The following FEZ1 variants were observed in gnomAD, a reference collection of about 807,000 sequenced individuals.
The protein encoded by FEZ1 is fasciculation and elongation protein zeta 1.
FEZ1 carries 20 observed loss-of-function variants against 49.3 expected under a neutral mutation model. The ratio of observed to expected loss-of-function variants is 0.41; its 90% CI spans 0.29 to 0.59. The LOEUF is 0.59. FEZ1 is among the 20% of genes least tolerant of loss of function. The pLI is 0.36. For missense variants in FEZ1, 413 were observed against 476.0 expected (o/e 0.87, Z 1.23); for synonymous variants, 170 against 180.9 (o/e 0.94, Z 0.48).
At chr11:125,482,417 G>A (rs1026843120) in intron 2 of FEZ1, among the ~76,000 whole-genome samples, 1 of 152,136 alleles carries the variant, frequency 6.6e-6, no homozygotes, top group Admixed American at 6.5e-5. Context: ...GGGGAAAGAT[G>A]GAGCTACATT....
chr11:125,452,397 C>T lies in FEZ1; in HGVS notation c.1033G>A (p.Val345Ile). 6.2e-7 allele frequency: 1 copy of T among 1,612,130 alleles called. No homozygotes were observed. The highest frequency in any genetic ancestry group is 8.5e-7 in the Non-Finnish European group (1 of 1,178,158). ...SGTDKQYLNT[V>I]IPYEKKASPP... The stretch of plus-strand genomic sequence containing the variant: ...GAGGCTTTCTTCTCGTAAGGAATGA[C>T]TGTGTTCAGATACTGCAAGACAAAC... The change falls in exon 8 of 10, where the codon GTC becomes ATC. Residue 345 changes from valine to isoleucine, a missense_variant. By Grantham distance (29) the Val-to-Ile change is conservative (BLOSUM62 3). Transcript: ENST00000278919.
In FEZ1 at chr11:125,447,349, A is replaced by C. The variant is rs377016701; in HGVS notation, c.1162+1153T>G. ...ACAAACAACCTAGTTTCTCCAACAA[A>C]TGCATTTCAAGAAATGGAAGAGAGA... On this transcript the variant is annotated intron_variant, in intron 9 of 9. Coordinates refer to ENST00000278919, the MANE Select transcript of FEZ1 (RefSeq NM_005103.5). 2.6e-5 allele frequency among the ~76,000 whole-genome samples: 4 copies of C among 152,364 alleles called. No individual in the cohort carries two copies. In the East Asian group the frequency reaches 5.8e-4, roughly 22 times the overall value.
chr11:125,460,738 A>G lies in FEZ1; in HGVS notation c.499-72T>C, dbSNP rs1176014342. 2.9e-6 allele frequency: 4 copies of G among 1,358,680 alleles called. No homozygotes were observed. In the African/African-American group the frequency reaches 4.3e-5, roughly 15 times the overall value. 84.2% of individuals were successfully genotyped at this position (1,358,680 alleles called of 1,614,324 possible). A position where few individuals can be genotyped will look rare whatever the true frequency, so the allele number is the denominator to read the frequency against. On this transcript the variant is annotated intron_variant, in intron 4 of 9. Coordinates refer to ENST00000278919, the MANE Select transcript of FEZ1 (RefSeq NM_005103.5). ...GGGCATTCTGGCTTGAATTTTGATC[A>G]GTTAAGGATGTTCCTAATTAGCTAT...
intron 3 of FEZ1, among the ~76,000 whole-genome samples, chr11:125,465,045 T>C (rs551704395): frequency 1.0e-3 from 152 of 152,346 alleles, no homozygotes; most frequent in African/African-American, 3.4e-3. Flanking sequence ...AGAACGAAGA[T>C]ACATTTTTTC....
At chr11:125,447,187 AT>A (rs1228846901) in intron 9 of FEZ1, among the ~76,000 whole-genome samples, 1 of 152,256 alleles carries the variant, frequency 6.6e-6, no homozygotes, top group East Asian at 1.9e-4. Flanking sequence ...TGTAGTGCTT[AT>A]CAAAAAATCG....
chr11:125,470,004 C>G (rs960886930), intron 3 of FEZ1, among the ~76,000 whole-genome samples: 2 of 152,088 alleles, frequency 1.3e-5, no homozygotes, highest in Non-Finnish European at 1.5e-5. Flanking sequence ...AGTAAACCAC[C>G]ATGCCTGGCC....
At chr11:125,485,693 T>A (rs541346623) in intron 2 of FEZ1, among the ~76,000 whole-genome samples, 9 of 151,266 alleles carry the variant, frequency 5.9e-5, no homozygotes, top group Non-Finnish European at 1.2e-4. Flanking sequence ...CCTAGCACTT[T>A]GGGAGGCTGA....
chr11:125,465,136 G>C (rs1957115225), intron 3 of FEZ1, among the ~76,000 whole-genome samples: 1 of 152,178 alleles, frequency 6.6e-6, no homozygotes, highest in Non-Finnish European at 1.5e-5. Flanking sequence ...CCCAAGTTAG[G>C]CTCATCCTGG....
At chr11:125,470,276 T>A (rs1283093399) in intron 3 of FEZ1, among the ~76,000 whole-genome samples, 1 of 152,170 alleles carries the variant, frequency 6.6e-6, no homozygotes, top group African/African-American at 2.4e-5. Flanking sequence ...AAAAAAATTT[T>A]AAAAACACAC....
intron 3 of FEZ1, among the ~76,000 whole-genome samples, chr11:125,471,041 T>C (rs1288896241): frequency 6.6e-6 from 1 of 152,138 alleles, no homozygotes; most frequent in Non-Finnish European, 1.5e-5. Context: ...TATGATTAAT[T>C]AATAATGTAT....
At chr11:125,454,781 C>G (rs1288049138) in intron 6 of FEZ1, among the ~76,000 whole-genome samples, 5 of 151,798 alleles carry the variant, frequency 3.3e-5, no homozygotes, top group African/African-American at 1.2e-4. Flanking sequence ...TTTGGGAGGC[C>G]GAGGCGGGGA....
chr11:125,487,899 A>G (rs530830317), intron 2 of FEZ1, among the ~76,000 whole-genome samples: 2 of 152,326 alleles, frequency 1.3e-5, no homozygotes, highest in Non-Finnish European at 1.5e-5. Flanking sequence ...TCAAATAAGC[A>G]ACCCTCTCCC....
At chr11:125,483,602 A>G (rs570761069) in intron 2 of FEZ1, among the ~76,000 whole-genome samples, 2 of 152,330 alleles carry the variant, frequency 1.3e-5, no homozygotes, top group Non-Finnish European at 2.9e-5. Flanking sequence ...ACTCCAAGGC[A>G]CCACACCCGC....
rs537418062 is a variant in FEZ1, at chr11:125,495,139, G to A, written c.-46+982C>T. On this transcript the variant is annotated intron_variant, in intron 1 of 9. Transcript: ENST00000278919. The surrounding 1 kb of genome is among the most constrained non-coding windows in gnomAD (Gnocchi z 4.2). Reference sequence around the variant, plus strand: ...TGCTTGCTCCCCTCCCCCTCCTCCCGCTGCTCCATTCACCTCCATCTCAGA... The same window carrying A: ...TGCTTGCTCCCCTCCCCCTCCTCCCACTGCTCCATTCACCTCCATCTCAGA... 2.4e-5 allele frequency: 8 copies of A among 339,546 alleles called. No homozygotes were observed. Among genetic ancestry groups the A allele is most frequent in the Non-Finnish European group, 4.8e-5 (8 of 164,984 alleles). The allele number at this position is 339,546 out of a possible 1,614,324, so 21.0% of individuals were successfully genotyped here. A position where few individuals can be genotyped will look rare whatever the true frequency, so the allele number is the denominator to read the frequency against.
chr11:125,466,381 G>A (rs1409813859), intron 3 of FEZ1, among the ~76,000 whole-genome samples: 1 of 152,140 alleles, frequency 6.6e-6, no homozygotes, highest in East Asian at 1.9e-4. Context: ...AGGAGGCTGA[G>A]GTGGGAGGAT....
intron 3 of FEZ1, among the ~76,000 whole-genome samples, chr11:125,469,884 GT>G (rs60710730): frequency 8.6e-5 from 13 of 151,154 alleles, no homozygotes; most frequent in Non-Finnish European, 1.8e-4. Context: ...CTACCTTTTT[GT>G]TTTTTTTGTT....
chr11:125,446,172 A>T, intron 9 of FEZ1, 61 bp from the exon 10 acceptor site: 1 of 1,512,156 alleles, frequency 6.6e-7, no homozygotes, highest in Middle Eastern at 1.7e-4. Context: ...GGGACCTCCG[A>T]GCCCTGGATA....
chr11:125,455,770 G>A (rs749443889), intron 6 of FEZ1, 65 bp downstream of exon 6: 2 of 1,537,428 alleles, frequency 1.3e-6, no homozygotes, highest in South Asian at 2.2e-5. Context: ...AGGGTTGGTA[G>A]GGCACTGAAA....
At chr11:125,491,857 G>A (rs1305412579) in intron 1 of FEZ1, among the ~76,000 whole-genome samples, 2 of 152,186 alleles carry the variant, frequency 1.3e-5, no homozygotes, top group East Asian at 1.9e-4. Context: ...ATATATACAA[G>A]TAGTACCATA....
Sources: allele counts gnomAD v4.1 joint callset (sites outside exome capture counted in the v4.1 genomes callset), GRCh38; gene constraint gnomAD v4.1.1; non-coding constraint Gnocchi (gnomAD v3.1); transcripts MANE v1.5; gene names NCBI Gene and HGNC (gene_info 2026-07-23, HGNC 2026-07-21).